Variants in NRK observed in about 807,000 individuals in gnomAD.
The protein encoded by NRK is Nik related kinase, also known as nik-related protein kinase.
In NRK, 67 loss-of-function variants were observed where a neutral mutation model predicts 125.2. The observed-to-expected ratio is 0.54, with a 90% confidence interval of 0.44 to 0.66. The LOEUF (loss-of-function observed/expected upper bound fraction) is 0.66, where lower values mean the gene tolerates loss of function less well. NRK is among the 30% of genes least tolerant of loss of function. The probability of loss-of-function intolerance (pLI) is 0.00; values close to 1 mark genes in which losing one functional copy is unlikely to be tolerated. For synonymous variants in NRK, 458 were observed against 429.0 expected, an observed-to-expected ratio of 1.07 and a Z score of -0.84; for missense variants, 1,224 against 1,192.9, an observed-to-expected ratio of 1.03 and a Z score of -0.38.
In NRK at chrX:105,909,811, A is replaced by C. The variant is rs777950325; in HGVS notation, c.2170A>C (p.Arg724=). The change falls in exon 13 of 29, where the codon AGG becomes CGG. Residue 724 remains arginine (R), a synonymous_variant. Transcript: ENST00000243300. ...TGAACTCTCGGATTTAGAAGCCCGC[A>C]GGCAAAGGCGCCAACGCAGATGGGA... ...KLELSDLEAR[R]QRRQRRWEDI... The C allele has an allele frequency of 8.5e-7, 1 of 1,181,972 alleles. No individual in the cohort carries two copies. The highest frequency in any genetic ancestry group is 1.8e-5 in the African/African-American group (1 of 57,113).
chrX:105,854,659 G>T (rs917412589), intron 2 of NRK, among the ~76,000 whole-genome samples: 2 of 111,695 alleles, frequency 1.8e-5, no homozygotes, highest in Non-Finnish European at 1.9e-5. Flanking sequence ...GATATGTCAG[G>T]TGATAAATGT....
chrX:105,945,245 A>G (rs2040797579), intron 24 of NRK, among the ~76,000 whole-genome samples: 1 of 111,748 alleles, frequency 8.9e-6, no homozygotes, highest in Admixed American at 9.5e-5. Context: ...TAGTTGATCC[A>G]TAGACAGGTT....
chrX:105,836,618 A>G (rs1443508264), intron 2 of NRK, among the ~76,000 whole-genome samples: 1 of 112,147 alleles, frequency 8.9e-6, no homozygotes, highest in Non-Finnish European at 1.9e-5. Context: ...CTTTACACCA[A>G]TAATTCAACT....
chrX:105,893,672 C>T (rs1272989651), intron 5 of NRK, among the ~76,000 whole-genome samples, 160 bp from the exon 6 acceptor site: 2 of 112,077 alleles, frequency 1.8e-5, no homozygotes, highest in African/African-American at 3.2e-5. Flanking sequence ...TCTCTAATTT[C>T]GCTAGCCTTT....
chrX:105,837,396 C>G (rs1375352254), intron 2 of NRK, among the ~76,000 whole-genome samples: 6 of 111,316 alleles, frequency 5.4e-5, no homozygotes, highest in Admixed American at 3.8e-4. Flanking sequence ...TCAGTGCTGC[C>G]AACCACATCC....
chrX:105,928,416 G>A, intron 19 of NRK, among the ~76,000 whole-genome samples: 1 of 110,682 alleles, frequency 9.0e-6, no homozygotes, highest in Non-Finnish European at 1.9e-5. Flanking sequence ...TGTCCATTTT[G>A]TTTATCTTTT....
In NRK at chrX:105,909,260, A is replaced by G. The variant is rs2040262404; in HGVS notation, c.1619A>G (p.Gln540Arg). ...QRQGQAPEQQ[Q>R]RHNQVPEQEL... ...CAGGGCCAGGCCCCTGAACAACAGC[A>G]GAGGCACAACCAGGTGCCTGAACAA... is the stretch of plus-strand genomic sequence containing the variant. Residue 540 changes from glutamine (Q) to arginine (R), a missense_variant, in exon 13 of 29, where the codon CAG (glutamine) becomes CGG (arginine). Gln to Arg is a conservative substitution (Grantham distance 43, BLOSUM62 1). Transcript: ENST00000243300. The G allele has an allele frequency of 8.3e-7, 1 of 1,208,909 alleles. No individual in the cohort carries two copies. The highest frequency in any genetic ancestry group is 3.0e-5 in the East Asian group (1 of 33,590).
At chrX:105,924,240 G>A (rs1290224334) in intron 18 of NRK, among the ~76,000 whole-genome samples, 1 of 110,231 alleles carries the variant, frequency 9.1e-6, no homozygotes, top group East Asian at 2.9e-4. Flanking sequence ...CAGTACACAT[G>A]TTAGAAAATC....
intron 2 of NRK, among the ~76,000 whole-genome samples, chrX:105,863,355 C>CAT (rs1239258901): frequency 5.7e-5 from 5 of 87,163 alleles, no homozygotes; most frequent in East Asian, 3.9e-4. Flanking sequence ...CACACACACA[C>CAT]ACATACTATT....
chrX:105,898,804 A>C (rs2040119296), intron 8 of NRK, 90 bp downstream of exon 8: 1 of 752,353 alleles, frequency 1.3e-6, no homozygotes, highest in African/African-American at 2.2e-5. Flanking sequence ...AAAAATAAAA[A>C]GCAGGCAGCT....
At chrX:105,896,067 A>G (rs2040078826) in intron 7 of NRK, among the ~76,000 whole-genome samples, 1 of 111,900 alleles carries the variant, frequency 8.9e-6, no homozygotes, top group African/African-American at 3.2e-5. Flanking sequence ...AAATCAAAAG[A>G]CTGGAAGTAC....
chrX:105,949,117 A>G (rs1457812427), intron 26 of NRK, among the ~76,000 whole-genome samples: 1 of 111,646 alleles, frequency 9.0e-6, no homozygotes, highest in Non-Finnish European at 1.9e-5. Context: ...AGCTTAAGCT[A>G]TTTTTTAGAT....
At chrX:105,867,682 T>G (rs1201683995) in intron 2 of NRK, among the ~76,000 whole-genome samples, 1 of 111,846 alleles carries the variant, frequency 8.9e-6, no homozygotes, top group Non-Finnish European at 1.9e-5. Context: ...ATCTCCCAAA[T>G]ATTAGCAGTT....
intron 4 of NRK, among the ~76,000 whole-genome samples, chrX:105,882,791 G>T (rs1243691898): frequency 9.0e-6 from 1 of 111,318 alleles, no homozygotes; most frequent in Admixed American, 9.6e-5. Flanking sequence ...ATATCCAGAG[G>T]ACCAGCTAAA....
chrX:105,919,385 A>G (rs209108), intron 16 of NRK, among the ~76,000 whole-genome samples: 22,315 of 111,041 alleles, frequency 0.2, 1,652 homozygotes, highest in Middle Eastern at 0.32. Flanking sequence ...ATACATTTGT[A>G]TTTTAAATGG....
intron 2 of NRK, among the ~76,000 whole-genome samples, chrX:105,871,251 T>C (rs1472031201): frequency 9.0e-6 from 1 of 111,522 alleles, no homozygotes; most frequent in Non-Finnish European, 1.9e-5. Context: ...GCCCTCTGAC[T>C]GAATAGAGTT....
chrX:105,882,000 G>A (rs1602635711), intron 4 of NRK, among the ~76,000 whole-genome samples: 1 of 110,800 alleles, frequency 9.0e-6, no homozygotes, highest in East Asian at 2.9e-4. Flanking sequence ...TAGGAGAAAA[G>A]GGCCCTTGAA....
rs1423896701 is a variant in NRK at position 105,957,205 on chromosome X, C to T, written c.*1605C>T. ...GACTCACATTTCTTTTACTGTGACA[C>T]AATAATGTGATCCTAAAACTGGCTT... On this transcript the variant is annotated 3_prime_UTR_variant, in exon 29 of 29. Coordinates refer to ENST00000243300, the MANE Select transcript of NRK (RefSeq NM_198465.4). 1 of 111,438 alleles carries T rather than the reference C, an allele frequency of 9.0e-6. No individual in the cohort carries two copies. 9.2% of individuals were successfully genotyped at this position (111,438 alleles called of 1,213,427 possible).
chrX:105,838,018 A>C (rs2039286496), intron 2 of NRK, among the ~76,000 whole-genome samples: 1 of 110,909 alleles, frequency 9.0e-6, no homozygotes, highest in African/African-American at 3.3e-5. Flanking sequence ...TTCAACAATA[A>C]AACAAATGTA....
Sources: gnomAD v4.1 joint callset for allele counts (sites outside exome capture counted in the v4.1 genomes callset) on GRCh38, gnomAD v4.1.1 for gene constraint, MANE v1.5 for transcripts, NCBI Gene and HGNC (gene_info 2026-07-23, HGNC 2026-07-21) for gene names.